The following MROH2B variants were observed in gnomAD, a reference collection of about 807,000 sequenced individuals.
The protein encoded by MROH2B is maestro heat like repeat family member 2B, also known as maestro heat-like repeat-containing protein family member 2B.
MROH2B carries 177 observed loss-of-function variants against 208.6 expected under a neutral mutation model. The observed-to-expected ratio is 0.85, with a 90% confidence interval of 0.75 to 0.96. The LOEUF is 0.96. MROH2B is among the 40% of genes least tolerant of loss of function. The probability of loss-of-function intolerance (pLI) is 0.00; values close to 1 mark genes in which losing one functional copy is unlikely to be tolerated. For synonymous variants in MROH2B, 728 were observed against 659.0 expected, an observed-to-expected ratio of 1.10 and a Z score of -1.60; for missense variants, 2,002 against 1,878.7, an observed-to-expected ratio of 1.07 and a Z score of -1.21.
At position 41,017,870 on chromosome 5, in the gene MROH2B, A is replaced by G. The variant is rs772889297; in HGVS notation, c.2864T>C (p.Ile955Thr). ...CTCACCTTTTATATAGAACAGACCAATAGTTGAGCTAGCAGCCGCCTGACG... is the reference window on the plus strand; with the variant it reads ...CTCACCTTTTATATAGAACAGACCAGTAGTTGAGCTAGCAGCCGCCTGACG... ...TIRQAAASST[I>T]GLFYIKGIHL... The change falls in exon 28 of 42, where the codon ATT becomes ACT. Residue 955 changes from isoleucine to threonine, a missense_variant. Transcript: ENST00000399564. 52 of 1,595,406 alleles carry G rather than the reference A, an allele frequency of 3.3e-5. No individual in the cohort carries two copies. The highest frequency in any genetic ancestry group is 4.4e-5 in the Non-Finnish European group (52 of 1,170,732).
chr5:41,000,757 AT>A lies in MROH2B; in HGVS notation c.4270del (p.Ile1424PhefsTer7). 6.2e-7 allele frequency: 1 copy of A among 1,611,554 alleles called. No individual in the cohort carries two copies. The highest frequency in any genetic ancestry group is 8.5e-7 in the Non-Finnish European group (1 of 1,178,958). On this transcript the variant is annotated frameshift_variant, in exon 38 of 42. Coordinates refer to ENST00000399564, the MANE Select transcript of MROH2B (RefSeq NM_173489.5). LOFTEE classifies it high-confidence loss of function. ...LAPLTGRRWK[I>X]FFAEEIKKSL... Reference sequence around the variant, plus strand: ...CTTTTTTATTTCTTCAGCAAAAAAAATCTTCCACCTTCTTCCTGTTAGGGGT... The same window carrying A: ...CTTTTTTATTTCTTCAGCAAAAAAAACTTCCACCTTCTTCCTGTTAGGGGT...
intron 3 of MROH2B, among the ~76,000 whole-genome samples, chr5:41,065,735 C>T (rs1743789317): frequency 6.6e-6 from 1 of 152,000 alleles, no homozygotes; most frequent in East Asian, 1.9e-4. Flanking sequence ...CGTCTACTGA[C>T]CCCCAAATCT....
intron 30 of MROH2B, among the ~76,000 whole-genome samples, 154 bp downstream of exon 30, chr5:41,012,429 G>T (rs1741802325): frequency 6.6e-6 from 1 of 152,188 alleles, no homozygotes; most frequent in Non-Finnish European, 1.5e-5. Flanking sequence ...GAGCCTTGTT[G>T]TTAAACACAC....
chr5:41,029,528 G>A (rs1395282067), intron 24 of MROH2B, among the ~76,000 whole-genome samples: 1 of 152,000 alleles, frequency 6.6e-6, no homozygotes, highest in Non-Finnish European at 1.5e-5. Flanking sequence ...TTGATGTGAG[G>A]ACAACCTTTA....
chr5:41,051,113 G>A, intron 12 of MROH2B, 23 bp from the exon 13 acceptor site: 1 of 1,478,904 alleles, frequency 6.8e-7, no homozygotes, highest in Non-Finnish European at 9.0e-7. Flanking sequence ...TCAAACAGGT[G>A]ACTTGTTAAT....
At chr5:41,009,239 G>T (rs551328221) in intron 32 of MROH2B, 41 bp downstream of exon 32, 1 of 1,607,454 alleles carries the variant, frequency 6.2e-7, no homozygotes, top group Non-Finnish European at 8.5e-7. Flanking sequence ...TAAAGATGGC[G>T]CAGTCTCAGG....
rs770989892 is a variant in MROH2B, at chr5:41,049,326, C to T, written c.1455G>A (p.Gln485=). ...RILIMAEEKK[Q]HSAKESTALV... is the part of the protein sequence containing the mutation. ...GTGCTGTCGACTCCTTGGCACTGTG[C>T]TGCTTCTTCTCCTCTGCCATAATCA... is the stretch of plus-strand genomic sequence containing the variant. The change falls in exon 14 of 42, where the codon CAG becomes CAA. Residue 485 remains glutamine, a synonymous_variant. Transcript: ENST00000399564. 6.2e-7 allele frequency: 1 copy of T among 1,613,596 alleles called. No individual in the cohort carries two copies. The highest frequency in any genetic ancestry group is 1.1e-5 in the South Asian group (1 of 91,066).
chr5:41,046,243 AC>A (rs1029008787), intron 17 of MROH2B, among the ~76,000 whole-genome samples: 4 of 151,132 alleles, frequency 2.6e-5, no homozygotes, highest in African/African-American at 9.7e-5. Context: ...AAAAAAAAAA[AC>A]CCCAAACACG....
At chr5:41,065,151 T>C (rs1052255518) in intron 4 of MROH2B, among the ~76,000 whole-genome samples, 180 bp downstream of exon 4, 1 of 152,202 alleles carries the variant, frequency 6.6e-6, no homozygotes, top group African/African-American at 2.4e-5. Flanking sequence ...TCTGGACTAG[T>C]GGCTGGGCAG....
intron 5 of MROH2B, 110 bp downstream of exon 5, chr5:41,064,362 T>C: frequency 1.2e-6 from 1 of 828,870 alleles, no homozygotes; most frequent in Non-Finnish European, 1.9e-6. Flanking sequence ...CAGCTATTAT[T>C]ATTCAAAAGG....
chr5:41,037,113 AC>A (rs1278523620), intron 21 of MROH2B, among the ~76,000 whole-genome samples: 3 of 151,968 alleles, frequency 2.0e-5, no homozygotes, highest in African/African-American at 7.3e-5. Flanking sequence ...GGTATGTACC[AC>A]CCCACCTGGG....
In MROH2B at chr5:41,000,346, G is replaced by A; in HGVS notation, c.4356C>T (p.Cys1452=). ...WDPNPKIGVA[C]RDVLMVCIPF... ...GAATGCAGACCATCAAGACATCACG[G>A]CAAGCCTGGAAAACAGAGTTTTCTG... The change falls in exon 39 of 42, where the codon TGC becomes TGT. Residue 1452 remains cysteine, a synonymous_variant. Transcript: ENST00000399564. 6.2e-7 allele frequency: 1 copy of A among 1,613,124 alleles called. No individual in the cohort carries two copies. Among genetic ancestry groups the A allele is most frequent in the Non-Finnish European group, 8.5e-7 (1 of 1,179,640 alleles).
chr5:41,027,119 T>C (rs1269266187), intron 24 of MROH2B, among the ~76,000 whole-genome samples: 2 of 152,280 alleles, frequency 1.3e-5, no homozygotes, highest in African/African-American at 2.4e-5. Context: ...ATTCAGAACA[T>C]AGGCATGGGC....
chr5:41,055,026 C>T (rs1743402620), intron 10 of MROH2B, among the ~76,000 whole-genome samples, 186 bp from the exon 11 acceptor site: 1 of 152,138 alleles, frequency 6.6e-6, no homozygotes, highest in Non-Finnish European at 1.5e-5. Flanking sequence ...CCAATGCTTT[C>T]TTTGCTTCTT....
chr5:41,017,771 G>C, intron 28 of MROH2B, 79 bp downstream of exon 28: 1 of 1,456,878 alleles, frequency 6.9e-7, no homozygotes, highest in Non-Finnish European at 9.1e-7. Flanking sequence ...GAGAGACATA[G>C]GTGCATAAGG....
intron 34 of MROH2B, among the ~76,000 whole-genome samples, chr5:41,006,736 T>C (rs903745972): frequency 6.6e-6 from 1 of 152,154 alleles, no homozygotes; most frequent in African/African-American, 2.4e-5. Flanking sequence ...AACTTGGGAA[T>C]GGAAAACCAA....
intron 2 of MROH2B, among the ~76,000 whole-genome samples, chr5:41,067,814 C>A (rs1743859594): frequency 6.6e-6 from 1 of 152,170 alleles, no homozygotes; most frequent in Non-Finnish European, 1.5e-5. Flanking sequence ...CATTCCATGT[C>A]TTTTGAAAAT....
intron 34 of MROH2B, among the ~76,000 whole-genome samples, chr5:41,007,034 A>G (rs1162104484): frequency 6.6e-6 from 1 of 152,228 alleles, no homozygotes; most frequent in Admixed American, 6.5e-5. Flanking sequence ...AGTTCAACAG[A>G]ATTCTAGGTA....
chr5:41,049,197 G>A, intron 14 of MROH2B, 56 bp from the exon 15 acceptor site: 1 of 1,606,644 alleles, frequency 6.2e-7, no homozygotes, highest in Non-Finnish European at 8.5e-7. Context: ...TTGGGGTTGG[G>A]TTTAAGGTCA....
Sources: gnomAD v4.1 joint callset for allele counts (sites outside exome capture counted in the v4.1 genomes callset) on GRCh38, gnomAD v4.1.1 for gene constraint, MANE v1.5 for transcripts, NCBI Gene and HGNC (gene_info 2026-07-23, HGNC 2026-07-21) for gene names.